PCDHGA2: variants seen among roughly 807,000 people sequenced by gnomAD.
PCDHGA2 encodes the protein protocadherin gamma-A2.
Under a neutral mutation model 59.2 loss-of-function variants are expected in PCDHGA2, and 40 were observed. That is an observed-to-expected ratio of 0.68 (90% CI 0.52 to 0.88). The LOEUF (loss-of-function observed/expected upper bound fraction) is 0.88. Among genes scored for constraint, PCDHGA2 ranks in the 40% least tolerant of loss-of-function variants. The probability of loss-of-function intolerance (pLI) is 0.00; values close to 1 mark genes in which losing one functional copy is unlikely to be tolerated. For synonymous variants in PCDHGA2, 560 were observed against 526.0 expected (o/e 1.06, Z -0.89); for missense variants, 1,226 against 1,204.0 (o/e 1.02, Z -0.27).
intron 1 of PCDHGA2, chr5:141,413,929 C>T (rs2095693828): frequency 6.2e-7 from 1 of 1,613,342 alleles, no homozygotes; most frequent in South Asian, 1.1e-5. Context: ...GCCAGAATAC[C>T]GAGTGAGTGT....
Position 141,339,021 on chromosome 5 carries a change from G to C in PCDHGA2, c.50G>C (p.Cys17Ser), listed in dbSNP as rs770130711. The change falls in exon 1 of 4, where the codon TGC becomes TCC. Residue 17 changes from cysteine (C) to serine (S), a missense_variant. Cys to Ser is a moderately radical substitution (Grantham distance 112, BLOSUM62 -1). Transcript: ENST00000394576. The stretch of plus-strand genomic sequence containing the variant: ...CACTGCAGAAAGCTGGTCCTGCTGT[G>C]CTTCCTTTTGGCGACCCTGTGGGAG... The part of the protein sequence containing the change: ...LPHCRKLVLL[C>S]FLLATLWEAR... 6.3e-7 allele frequency: 1 copy of C among 1,590,916 alleles called. No individual in the cohort carries two copies. Among genetic ancestry groups the C allele is most frequent in the Non-Finnish European group, 8.6e-7 (1 of 1,165,028 alleles).
rs1330463387 is a variant in PCDHGA2, at chr5:141,393,177, G to C, written c.2424+51782G>C. ...AGGAAAACTCTTTGGGGTAGAAATA[G>C]AAATAATTGATATTAACGATAATAA... On this transcript the variant is annotated intron_variant, in intron 1 of 3. Transcript: ENST00000394576. The C allele has an allele frequency of 1.2e-6, 2 of 1,613,174 alleles. No individual in the cohort carries two copies. Among genetic ancestry groups the C allele is most frequent in the Non-Finnish European group, 1.7e-6 (2 of 1,179,896 alleles).
intron 1 of PCDHGA2, among the ~76,000 whole-genome samples, chr5:141,480,615 AT>A (rs1279544819): frequency 2.0e-5 from 3 of 152,218 alleles, no homozygotes; most frequent in African/African-American, 7.2e-5. Context: ...AGCAACTGGC[AT>A]TTTCCCTAGA....
intron 1 of PCDHGA2, among the ~76,000 whole-genome samples, chr5:141,464,625 T>C (rs1477206347): frequency 6.6e-6 from 1 of 152,190 alleles, no homozygotes; most frequent in East Asian, 1.9e-4. Context: ...TGTCAAGCTT[T>C]TTAATTGTTG....
chr5:141,394,361 G>A (rs2092984834), intron 1 of PCDHGA2: 15 of 1,614,072 alleles, frequency 9.3e-6, no homozygotes, highest in Non-Finnish European at 1.2e-5. Context: ...TCCTGTATGC[G>A]CTGCAATCTT....
chr5:141,469,855 G>T (rs1272105046), intron 1 of PCDHGA2, among the ~76,000 whole-genome samples: 4 of 152,186 alleles, frequency 2.6e-5, no homozygotes, highest in Non-Finnish European at 4.4e-5. Flanking sequence ...TTCAGACCGG[G>T]TGCAATGGCT....
intron 1 of PCDHGA2, among the ~76,000 whole-genome samples, chr5:141,482,048 G>A (rs375214441): frequency 1.3e-5 from 2 of 150,044 alleles, no homozygotes; most frequent in Non-Finnish European, 2.9e-5. Flanking sequence ...TCATGCTGTT[G>A]CATTCCAGCC....
chr5:141,471,044 CT>C (rs1432278092), intron 1 of PCDHGA2, among the ~76,000 whole-genome samples: 3 of 136,442 alleles, frequency 2.2e-5, no homozygotes. Flanking sequence ...AGCCCAAGCC[CT>C]CTTTTTTTTT....
intron 1 of PCDHGA2, chr5:141,416,195 CAATT>C (rs1181982521): frequency 6.6e-6 from 1 of 152,322 alleles, no homozygotes; most frequent in African/African-American, 2.4e-5. Flanking sequence ...ATTGAATTAA[CAATT>C]TATTTATAAC....
chr5:141,445,416 T>C lies in PCDHGA2; in HGVS notation c.2425-49391T>C, dbSNP rs190826518. ...TAACAAATATTTATTAACTGTCTGC[T>C]ATATGCAAGGCACTGACCTATGGAC... On this transcript the variant is annotated intron_variant, in intron 1 of 3. Coordinates refer to ENST00000394576, the MANE Select transcript of PCDHGA2 (RefSeq NM_018915.4). 2.2e-3 allele frequency among the ~76,000 whole-genome samples: 336 copies of C among 152,342 alleles called. 1 individual carries two copies. The highest frequency in any genetic ancestry group is 0.01 in the Middle Eastern group (3 of 294).
At chr5:141,344,587 T>G (rs749601680) in intron 1 of PCDHGA2, 2 of 1,613,870 alleles carry the variant, frequency 1.2e-6, no homozygotes, top group African/African-American at 2.7e-5. Context: ...GTGAATAGCG[T>G]CTCTGAGGGG....
At chr5:141,362,873 A>G (rs1482910489) in intron 1 of PCDHGA2, among the ~76,000 whole-genome samples, 3 of 152,176 alleles carry the variant, frequency 2.0e-5, no homozygotes, top group Non-Finnish European at 4.4e-5. Context: ...GCTCTTTGTT[A>G]TTCAAATTTT....
rs1393007644 is a variant in PCDHGA2 at position 141,340,004 on chromosome 5, C to T, written c.1033C>T (p.Pro345Ser). 1 of 1,614,078 alleles carries T rather than the reference C, an allele frequency of 6.2e-7. No homozygotes were observed. Among genetic ancestry groups the T allele is most frequent in the Non-Finnish European group, 8.5e-7 (1 of 1,180,014 alleles). The part of the protein sequence containing the change: ...VTVLDVNDNA[P>S]EFYMTSATSS... ...GGTTCTGGATGTGAATGACAATGCCCCAGAATTTTACATGACATCTGCTAC... is the reference window on the plus strand; with the variant it reads ...GGTTCTGGATGTGAATGACAATGCCTCAGAATTTTACATGACATCTGCTAC... Residue 345 changes from proline (P) to serine (S), a missense_variant, in exon 1 of 4, where the codon CCA (proline) becomes TCA (serine). Pro to Ser is a moderately conservative substitution (Grantham distance 74). Coordinates refer to ENST00000394576, the MANE Select transcript of PCDHGA2 (RefSeq NM_018915.4).
intron 1 of PCDHGA2, among the ~76,000 whole-genome samples, chr5:141,456,691 G>A (rs564429451): frequency 3.3e-5 from 5 of 152,234 alleles, no homozygotes; most frequent in South Asian, 4.1e-4. Flanking sequence ...CTGGCCAGGC[G>A]TGGTGGCTCG....
chr5:141,404,680 G>A (rs2094553624), intron 1 of PCDHGA2: 2 of 1,614,042 alleles, frequency 1.2e-6, no homozygotes, highest in Non-Finnish European at 1.7e-6. Context: ...CTGGTGTGGA[G>A]CTGGCACCCC....
chr5:141,502,039 G>T (rs2099812498), intron 2 of PCDHGA2, among the ~76,000 whole-genome samples: 1 of 152,126 alleles, frequency 6.6e-6, no homozygotes, highest in South Asian at 2.1e-4. Context: ...CCGCTTGCCT[G>T]CTCTCCCTAC....
rs1310685846 is a variant in PCDHGA2, at chr5:141,423,037, T to C, written c.2425-71770T>C. ...GGACAAAGATTCAGGCCAGAACGCCTGGCTGTCCTATCGCCTGCTTAAGGC... is the reference window on the plus strand; with the variant it reads ...GGACAAAGATTCAGGCCAGAACGCCCGGCTGTCCTATCGCCTGCTTAAGGC... On this transcript the variant is annotated intron_variant, in intron 1 of 3. Transcript: ENST00000394576. 5 of 1,614,086 alleles carry C rather than the reference T, an allele frequency of 3.1e-6. No homozygotes were observed. In the African/African-American group the frequency reaches 5.3e-5, roughly 17 times the overall value.
At chr5:141,415,445 A>G (rs1225407576) in intron 1 of PCDHGA2, 7 of 1,614,202 alleles carry the variant, frequency 4.3e-6, no homozygotes, top group South Asian at 1.1e-5. Flanking sequence ...CTGCAGACCT[A>G]TTCCCACGAG....
At chr5:141,397,225 T>C (rs2093492124) in intron 1 of PCDHGA2, among the ~76,000 whole-genome samples, 1 of 151,338 alleles carries the variant, frequency 6.6e-6, no homozygotes, top group Non-Finnish European at 1.5e-5. Context: ...TTTTGAGATA[T>C]GAAGAAGAGC....
Sources: allele counts gnomAD v4.1 joint callset (sites outside exome capture counted in the v4.1 genomes callset), GRCh38; gene constraint gnomAD v4.1.1; transcripts MANE v1.5; gene names NCBI Gene and HGNC (gene_info 2026-07-23, HGNC 2026-07-21).